The following PLCE1 variants were observed in gnomAD, a reference collection of about 807,000 sequenced individuals.
The protein encoded by PLCE1 is phospholipase C epsilon 1, also known as 1-phosphatidylinositol 4,5-bisphosphate phosphodiesterase epsilon-1.
In PLCE1, 119 loss-of-function variants were observed where a neutral mutation model predicts 242.8. The observed-to-expected ratio is 0.49, with a 90% CI of 0.42 to 0.57. The LOEUF is 0.57. Among genes scored for constraint, PLCE1 ranks in the 20% least tolerant of loss-of-function variants. The probability of loss-of-function intolerance (pLI) is 0.00; values close to 1 mark genes in which losing one functional copy is unlikely to be tolerated. For synonymous variants in PLCE1, 945 were observed against 1,017.4 expected (o/e 0.93, Z 1.35); for missense variants, 2,441 against 2,788.8 (o/e 0.88, Z 2.81).
chr10:94,208,460 C>T (rs1349406749), intron 4 of PLCE1, among the ~76,000 whole-genome samples: 1 of 152,182 alleles, frequency 6.6e-6, no homozygotes, highest in Non-Finnish European at 1.5e-5. Flanking sequence ...CAGAAGAAAA[C>T]AAAATGCAAA....
intron 3 of PLCE1, among the ~76,000 whole-genome samples, chr10:94,153,340 A>G (rs576775760): frequency 6.6e-6 from 1 of 152,220 alleles, no homozygotes; most frequent in Non-Finnish European, 1.5e-5. Context: ...CTCAACAGAC[A>G]TAGAAAAAGG....
intron 22 of PLCE1, 89 bp downstream of exon 22, chr10:94,285,054 CAAAAT>C: frequency 1.3e-6 from 1 of 767,710 alleles, no homozygotes; most frequent in Non-Finnish European, 2.4e-6. Context: ...TGAACACTCT[CAAAAT>C]AACTAAATTG....
rs369885029 is a variant in PLCE1 at position 94,171,727 on chromosome 10, T to C, written c.1809+231T>C. On this transcript the variant is annotated intron_variant, in intron 4 of 32. Transcript: ENST00000371380. ...CCTAATTGATCTCAACTCCATTCTA[T>C]TGCATTACCCAGTCCACCAATCCTA... Among the ~76,000 whole-genome samples the C allele has an allele frequency of 1.1e-3, 175 of 152,208 alleles. 2 individuals are homozygous for C. In the South Asian group the frequency reaches 0.036, roughly 32 times the overall value.
intron 4 of PLCE1, among the ~76,000 whole-genome samples, chr10:94,202,506 C>T (rs1261532680): frequency 1.3e-5 from 2 of 152,158 alleles, no homozygotes; most frequent in African/African-American, 4.8e-5. Context: ...GCTGACGCTA[C>T]CCCGACTCCT....
chr10:94,006,299 C>T (rs559957945), intron 1 of PLCE1, among the ~76,000 whole-genome samples: 5 of 152,182 alleles, frequency 3.3e-5, no homozygotes, highest in African/African-American at 4.8e-5. Context: ...TCTGTTATTA[C>T]GAAGATAAGT....
At chr10:94,242,446 G>T (rs1280524382) in intron 7 of PLCE1, among the ~76,000 whole-genome samples, 2 of 152,128 alleles carry the variant, frequency 1.3e-5, no homozygotes, top group African/African-American at 4.8e-5. Flanking sequence ...AGGTAGCTGG[G>T]ACTACAGGTG....
intron 11 of PLCE1, among the ~76,000 whole-genome samples, chr10:94,257,833 A>G (rs983361201): frequency 1.3e-5 from 2 of 152,206 alleles, no homozygotes; most frequent in African/African-American, 4.8e-5. Context: ...GGACGAGTTA[A>G]TGGGTGCAGC....
chr10:94,261,463 T>A (rs2051294639), intron 13 of PLCE1, among the ~76,000 whole-genome samples: 1 of 152,192 alleles, frequency 6.6e-6, no homozygotes, highest in East Asian at 1.9e-4. Flanking sequence ...CTATAAACAT[T>A]TGTATTCAGG....
At chr10:94,056,474 A>G (rs1051548001) in intron 2 of PLCE1, among the ~76,000 whole-genome samples, 2 of 152,194 alleles carry the variant, frequency 1.3e-5, no homozygotes, top group African/African-American at 4.8e-5. Context: ...TAAAAATACA[A>G]CAGAGAGAAA....
chr10:94,041,371 C>T (rs572649562), intron 2 of PLCE1, among the ~76,000 whole-genome samples: 30 of 152,212 alleles, frequency 2.0e-4, no homozygotes, highest in South Asian at 1.2e-3. Flanking sequence ...ACCTGTAGGA[C>T]GGAATCAGGA....
intron 1 of PLCE1, among the ~76,000 whole-genome samples, chr10:94,003,649 CGT>C (rs1268869278): frequency 6.6e-6 from 1 of 152,118 alleles, no homozygotes; most frequent in Non-Finnish European, 1.5e-5. Flanking sequence ...CTGGAGACCC[CGT>C]GTGCTTTCCT....
At chr10:94,052,702 C>A (rs1192282782) in intron 2 of PLCE1, among the ~76,000 whole-genome samples, 2 of 151,612 alleles carry the variant, frequency 1.3e-5, no homozygotes, top group Admixed American at 6.6e-5. Context: ...GTGTCTTTTC[C>A]TATTTGGACT....
At chr10:94,219,878 T>C (rs1373312433) in intron 4 of PLCE1, among the ~76,000 whole-genome samples, 1 of 151,890 alleles carries the variant, frequency 6.6e-6, no homozygotes, top group Non-Finnish European at 1.5e-5. Context: ...TGTGATGTAG[T>C]TTGGGGGTAA....
At chr10:94,078,698 T>C (rs576721140) in intron 2 of PLCE1, among the ~76,000 whole-genome samples, 3 of 152,182 alleles carry the variant, frequency 2.0e-5, no homozygotes, top group African/African-American at 7.2e-5. Flanking sequence ...TTGGCCAGGC[T>C]GGTCTTGAAC....
intron 8 of PLCE1, among the ~76,000 whole-genome samples, chr10:94,251,368 CTTT>C (rs2050867874): frequency 6.6e-6 from 1 of 152,160 alleles, no homozygotes; most frequent in African/African-American, 2.4e-5. Context: ...CACAAAGCTT[CTTT>C]GTTTTTTGCA....
At chr10:94,009,598 A>G (rs576317220) in intron 1 of PLCE1, among the ~76,000 whole-genome samples, 1 of 152,312 alleles carries the variant, frequency 6.6e-6, no homozygotes, top group Non-Finnish European at 1.5e-5. Context: ...TCTACCCATG[A>G]GTCTATAAAA....
chr10:94,041,954 C>G (rs527319105), intron 2 of PLCE1, among the ~76,000 whole-genome samples: 1 of 151,606 alleles, frequency 6.6e-6, no homozygotes, highest in African/African-American at 2.4e-5. Context: ...ACTTTAGGGC[C>G]GAGAATTTTA....
rs2044663936 is a variant in PLCE1 at position 94,081,893 on chromosome 10, G to C, written c.1206+49641G>C. 3 of 152,218 alleles carry C rather than the reference G, an allele frequency of 2.0e-5. No individual in the cohort carries two copies. In the South Asian group the frequency reaches 6.2e-4, roughly 32 times the overall value. 9.4% of individuals were successfully genotyped at this position (152,218 alleles called of 1,614,324 possible). A position where few individuals can be genotyped will look rare whatever the true frequency, so the allele number is the denominator to read the frequency against. On this transcript the variant is annotated intron_variant, in intron 2 of 32. Coordinates refer to ENST00000371380, the MANE Select transcript of PLCE1 (RefSeq NM_016341.4). ...AAAGGTATCCCTTTCCACCTTGCCTGCTTGTGCAGGCATGAAATTTTATTG... is the reference window on the plus strand; with the variant it reads ...AAAGGTATCCCTTTCCACCTTGCCTCCTTGTGCAGGCATGAAATTTTATTG...
chr10:94,314,876 T>C (rs1050664229), intron 28 of PLCE1: 3 of 152,468 alleles, frequency 2.0e-5, no homozygotes, highest in Admixed American at 6.5e-5. Flanking sequence ...TCACATTTCA[T>C]AGATTATCAA....
Sources: gnomAD v4.1 joint callset for allele counts (sites outside exome capture counted in the v4.1 genomes callset) on GRCh38, gnomAD v4.1.1 for gene constraint, MANE v1.5 for transcripts, NCBI Gene and HGNC (gene_info 2026-07-23, HGNC 2026-07-21) for gene names.